The following CNOT8 variants were observed in gnomAD, a reference collection of about 807,000 sequenced individuals.
CNOT8 encodes CCR4-NOT transcription complex subunit 8.
CNOT8 carries 18 observed loss-of-function variants against 34.6 expected under a neutral mutation model. The observed-to-expected ratio is 0.52, with a 90% CI of 0.36 to 0.77. The LOEUF is 0.77. Among genes scored for constraint, CNOT8 ranks in the 30% least tolerant of loss-of-function variants. CNOT8 has a pLI of 0.00. For missense variants in CNOT8, 189 were observed against 347.9 expected, an observed-to-expected ratio of 0.54 and a Z score of 3.63; for synonymous variants, 101 against 118.8, an observed-to-expected ratio of 0.85 and a Z score of 0.98.
intron 2 of CNOT8, among the ~76,000 whole-genome samples, chr5:154,864,599 A>T (rs1409045104): frequency 6.6e-6 from 1 of 151,688 alleles, no homozygotes; most frequent in Admixed American, 6.6e-5. Context: ...ATTTTTATTC[A>T]TATATTGTTC....
At chr5:154,868,440 T>A (rs540920495) in intron 3 of CNOT8, among the ~76,000 whole-genome samples, 3 of 151,932 alleles carry the variant, frequency 2.0e-5, no homozygotes, top group Non-Finnish European at 2.9e-5. Flanking sequence ...AACTTTTGTA[T>A]TTTTAGTAAA....
At chr5:154,874,310 C>T (rs1762744858) in intron 6 of CNOT8, among the ~76,000 whole-genome samples, 1 of 151,964 alleles carries the variant, frequency 6.6e-6, no homozygotes, top group Admixed American at 6.5e-5. Context: ...GGTGCGGTGG[C>T]TCACACCTGT....
In CNOT8 at chr5:154,865,275, C is replaced by T; in HGVS notation, c.201C>T (p.Cys67=). 1 of 1,613,290 alleles carries T rather than the reference C, an allele frequency of 6.2e-7. No homozygotes were observed. Among genetic ancestry groups the T allele is most frequent in the Non-Finnish European group, 8.5e-7 (1 of 1,179,732 alleles). Residue 67 remains cysteine, a synonymous_variant, in exon 3 of 7, where the codon TGC becomes TGT. Transcript: ENST00000285896. ...ATTACCAATATCAGCTTCTGCGGTGCAATGTTGACCTTTTAAAAATTATCC... is the reference window on the plus strand; with the variant it reads ...ATTACCAATATCAGCTTCTGCGGTGTAATGTTGACCTTTTAAAAATTATCC... ...SIDYQYQLLR[C]NVDLLKIIQL... is the part of the protein sequence containing the mutation.
chr5:154,866,691 T>C (rs758976134), intron 3 of CNOT8, among the ~76,000 whole-genome samples: 1 of 152,112 alleles, frequency 6.6e-6, no homozygotes, highest in Non-Finnish European at 1.5e-5. Context: ...GATCACTGGA[T>C]CACTTGAGGC....
intron 3 of CNOT8, among the ~76,000 whole-genome samples, chr5:154,869,222 C>T (rs1322490743): frequency 2.0e-5 from 3 of 151,818 alleles, no homozygotes; most frequent in East Asian, 1.9e-4. Context: ...CAGGTTCAAG[C>T]GATTCTCCAA....
At position 154,875,465 on chromosome 5, in the gene CNOT8, C is replaced by G. The variant is rs1479551048; in HGVS notation, c.*26C>G. On this transcript the variant is annotated 3_prime_UTR_variant, in exon 7 of 7. Transcript: ENST00000285896. ...TGGCGCCAGGCTCTGCAGGGTGGGC[C>G]TGATCCCAGAGTGGTGCTTACTGTG... is the stretch of plus-strand genomic sequence containing the variant. 6.2e-7 allele frequency: 1 copy of G among 1,610,934 alleles called. No homozygotes were observed. Among genetic ancestry groups the G allele is most frequent in the East Asian group, 2.2e-5 (1 of 44,870 alleles).
In CNOT8 at chr5:154,858,717, C is replaced by CCGCCAGCT. The variant is rs1582558006; in HGVS notation, c.-121_-114dup. The CCGCCAGCT allele has an allele frequency of 6.6e-6, 1 of 152,256 alleles. No homozygotes were observed. The highest frequency in any genetic ancestry group is 1.5e-5 in the Non-Finnish European group (1 of 68,198). The allele number at this position is 152,256 out of a possible 1,614,324, so 9.4% of individuals were successfully genotyped here. The stretch of plus-strand genomic sequence containing the variant: ...GCCGTCGGGGAGTCAGCCCGCCAGC[C>CCGCCAGCT]CGCCAGCTCGTCAGCCCGCCAGCCA... On this transcript the variant is annotated 5_prime_UTR_variant, in exon 1 of 7. Coordinates refer to ENST00000285896, the MANE Select transcript of CNOT8 (RefSeq NM_001301073.2).
At chr5:154,863,082 A>G in intron 1 of CNOT8, 125 bp from the exon 2 acceptor site, 3 of 504,846 alleles carry the variant, frequency 5.9e-6, no homozygotes, top group Non-Finnish European at 3.6e-6. Flanking sequence ...TAAAATGGAG[A>G]ATAAATATAA....
At chr5:154,875,236 C>T (rs1762838904) in intron 6 of CNOT8, 54 bp from the exon 7 acceptor site, 2 of 1,587,138 alleles carry the variant, frequency 1.3e-6, no homozygotes, top group South Asian at 1.1e-5. Context: ...AATATTTATA[C>T]TTGTCATGAC....
chr5:154,864,407 G>A (rs534963590), intron 2 of CNOT8, among the ~76,000 whole-genome samples: 108 of 151,850 alleles, frequency 7.1e-4, no homozygotes, highest in Non-Finnish European at 1.8e-4. Flanking sequence ...GCAGTGAGCC[G>A]AGATCGTGCC....
intron 3 of CNOT8, chr5:154,870,427 C>A: frequency 2.9e-6 from 1 of 342,132 alleles, no homozygotes; most frequent in Non-Finnish European, 5.4e-6. Context: ...AAATGTATAC[C>A]TATTATAATT....
intron 1 of CNOT8, 29 bp downstream of exon 1, chr5:154,858,797 G>A (rs1561672160): frequency 6.6e-6 from 1 of 151,842 alleles, no homozygotes; most frequent in Non-Finnish European, 1.5e-5. Flanking sequence ...ACCGGAAAGA[G>A]GAGCGTAAGA....
intron 1 of CNOT8, among the ~76,000 whole-genome samples, chr5:154,861,899 C>A (rs986784220): frequency 1.3e-5 from 2 of 152,138 alleles, no homozygotes; most frequent in Non-Finnish European, 2.9e-5. Context: ...GGAGTTTCAC[C>A]GTGTTAGCCA....
chr5:154,872,721 G>T, intron 6 of CNOT8, 70 bp downstream of exon 6: 1 of 775,464 alleles, frequency 1.3e-6, no homozygotes, highest in East Asian at 2.7e-5. Context: ...GGTAGTGGAT[G>T]GTCTGTTATG....
At position 154,876,781 on chromosome 5, in the gene CNOT8, T is replaced by TA. The variant is rs1303118000; in HGVS notation, c.*1344dup. On this transcript the variant is annotated 3_prime_UTR_variant, in exon 7 of 7. Coordinates refer to ENST00000285896, the MANE Select transcript of CNOT8 (RefSeq NM_001301073.2). ...ATTTTGTAAAATAAAGATTTCTTTT[T>TA]AACCACTGGCATTAAGGTTTGGTCT... 2.0e-5 allele frequency: 3 copies of TA among 152,688 alleles called. No homozygotes were observed. The highest frequency in any genetic ancestry group is 2.9e-5 in the Non-Finnish European group (2 of 68,052). The allele number at this position is 152,688 out of a possible 1,614,324, so 9.5% of individuals were successfully genotyped here. A position where few individuals can be genotyped will look rare whatever the true frequency, so the allele number is the denominator to read the frequency against.
chr5:154,868,910 C>A (rs1323923858), intron 3 of CNOT8, among the ~76,000 whole-genome samples: 1 of 152,138 alleles, frequency 6.6e-6, no homozygotes, highest in African/African-American at 2.4e-5. Flanking sequence ...CTCCTTTGAT[C>A]TACTTCAGCC....
At chr5:154,866,226 A>C (rs1468056706) in intron 3 of CNOT8, among the ~76,000 whole-genome samples, 1 of 152,158 alleles carries the variant, frequency 6.6e-6, no homozygotes. Context: ...CAGTGGTGCT[A>C]ACATGGCTTA....
chr5:154,869,826 C>T (rs1176943739), intron 3 of CNOT8, among the ~76,000 whole-genome samples: 1 of 151,786 alleles, frequency 6.6e-6, no homozygotes, highest in East Asian at 1.9e-4. Context: ...GGTTTCACCA[C>T]GTTGGCCAGG....
At chr5:154,872,704 C>CT in intron 6 of CNOT8, 53 bp downstream of exon 6, 1 of 1,070,778 alleles carries the variant, frequency 9.3e-7, no homozygotes, top group South Asian at 1.4e-5. Flanking sequence ...TTGCTGAAGG[C>CT]TAAGGAGGTA....
Sources: allele counts gnomAD v4.1 joint callset (sites outside exome capture counted in the v4.1 genomes callset), GRCh38; gene constraint gnomAD v4.1.1; transcripts MANE v1.5; gene names NCBI Gene and HGNC (gene_info 2026-07-23, HGNC 2026-07-21).